Variants in RPS6KA4 observed in about 807,000 individuals in gnomAD.
RPS6KA4 encodes the protein ribosomal protein S6 kinase alpha-4.
In RPS6KA4, 38 loss-of-function variants were observed where a neutral mutation model predicts 89.6. The observed-to-expected ratio is 0.42, with a 90% CI of 0.33 to 0.56. The LOEUF is 0.56. Ranked by LOEUF, RPS6KA4 falls within the 20% of genes least tolerant of loss-of-function variation. The pLI is 0.07. For missense variants in RPS6KA4, 873 were observed against 1,098.8 expected, an observed-to-expected ratio of 0.79 and a Z score of 2.90; for synonymous variants, 495 against 492.8, an observed-to-expected ratio of 1.00 and a Z score of -0.06.
chr11:64,360,259 G>A lies in RPS6KA4; in HGVS notation c.224G>A (p.Arg75His), dbSNP rs1455628289. Residue 75 changes from arginine to histidine, a missense_variant, in exon 3 of 17, where the codon CGC (arginine) becomes CAC (histidine). Coordinates refer to ENST00000334205, the MANE Select transcript of RPS6KA4 (RefSeq NM_003942.3). ...KVLRKAALVQ[R>H]AKTQEHTRTE... ...CTGCGCAAGGCGGCGCTGGTGCAGC[G>A]CGCCAAGACGCAAGAGCACACGCGC... The A allele has an allele frequency of 1.9e-6, 3 of 1,547,248 alleles. No individual in the cohort carries two copies. The highest frequency in any genetic ancestry group is 2.6e-6 in the Non-Finnish European group (3 of 1,146,256).
At position 64,361,256 on chromosome 11, in the gene RPS6KA4, C is replaced by T. The variant is rs1349199977; in HGVS notation, c.570+15C>T. 6.2e-7 allele frequency: 1 copy of T among 1,603,176 alleles called. No individual in the cohort carries two copies. On this transcript the variant is annotated intron_variant, in intron 5 of 16. Coordinates refer to ENST00000334205, the MANE Select transcript of RPS6KA4 (RefSeq NM_003942.3). The surrounding 1 kb of genome is among the most constrained non-coding windows in gnomAD (Gnocchi z 4.7). The stretch of plus-strand genomic sequence containing the variant: ...TGACGGAGGAGGTGAGTGGAGGCCA[C>T]CTCTGCCTGCAGTGCCCCATTCAAT...
Position 64,371,411 on chromosome 11 carries a change from C to T in RPS6KA4, c.2250C>T (p.Asn750=). The T allele has an allele frequency of 6.2e-7, 1 of 1,609,476 alleles. No individual in the cohort carries two copies. The highest frequency in any genetic ancestry group is 8.5e-7 in the Non-Finnish European group (1 of 1,178,076). Residue 750 remains asparagine (N), a synonymous_variant, in exon 17 of 17, where the codon AAC becomes AAT. Coordinates refer to ENST00000334205, the MANE Select transcript of RPS6KA4 (RefSeq NM_003942.3). The stretch of plus-strand genomic sequence containing the variant: ...GCCGGGGCTCCCCTGCACCAGCCAA[C>T]CCGGGCCGAGCCCCCGTCGCCTCCA... ...ASRRGSPAPA[N]PGRAPVASKG... is the part of the protein sequence containing the mutation.
chr11:64,367,102 G>T (rs558475402), intron 9 of RPS6KA4, among the ~76,000 whole-genome samples: 2 of 152,262 alleles, frequency 1.3e-5, no homozygotes, highest in South Asian at 4.1e-4. Context: ...ACATTTTTAG[G>T]AGAAGATGAC....
At chr11:64,368,908 C>G (rs532052075) in intron 12 of RPS6KA4, 111 bp downstream of exon 12, 2 of 1,056,512 alleles carry the variant, frequency 1.9e-6, no homozygotes, top group African/African-American at 3.2e-5. Context: ...GCGTTTGATT[C>G]GGGGCCCAAA....
chr11:64,359,826 A>G, intron 2 of RPS6KA4: 1 of 525,138 alleles, frequency 1.9e-6, no homozygotes, highest in African/African-American at 1.9e-5. Flanking sequence ...CCAGGTGCAC[A>G]CCTCTGCCTC....
rs998853769 is a variant in RPS6KA4, at chr11:64,371,749, GC to G, written c.*273del. On this transcript the variant is annotated 3_prime_UTR_variant, in exon 17 of 17. Transcript: ENST00000334205. The stretch of plus-strand genomic sequence containing the variant: ...GGACACTGCCTCTTCTGGGCAGAAG[GC>G]CCCTCCAGGGGGACTGCTCCAACAG... 2.7e-6 allele frequency: 1 copy of G among 368,272 alleles called. No individual in the cohort carries two copies. The highest frequency in any genetic ancestry group is 4.9e-6 in the Non-Finnish European group (1 of 204,226). 22.8% of individuals were successfully genotyped at this position (368,272 alleles called of 1,614,324 possible). A position where few individuals can be genotyped will look rare whatever the true frequency, so the allele number is the denominator to read the frequency against.
chr11:64,370,529 G>A lies in RPS6KA4; in HGVS notation c.1958-34G>A, dbSNP rs1353255414. 9.4e-6 allele frequency: 15 copies of A among 1,589,386 alleles called. No individual in the cohort carries two copies. Among genetic ancestry groups the A allele is most frequent in the Non-Finnish European group, 1.3e-5 (15 of 1,171,034 alleles). Reference sequence around the variant, plus strand: ...TCTTTGGGGCTCAGCCTTTACGCCAGGCTCCTCCCCACACTTCCTTGCCCC... The same window carrying A: ...TCTTTGGGGCTCAGCCTTTACGCCAAGCTCCTCCCCACACTTCCTTGCCCC... On this transcript the variant is annotated intron_variant, in intron 15 of 16. Coordinates refer to ENST00000334205, the MANE Select transcript of RPS6KA4 (RefSeq NM_003942.3). This position sits in a 1 kb window ranked among gnomAD's most constrained non-coding sequence, Gnocchi z 4.1.
chr11:64,359,905 T>C (rs2036695492), intron 2 of RPS6KA4: 4 of 568,952 alleles, frequency 7.0e-6, no homozygotes, highest in South Asian at 6.6e-5. Context: ...CCCGCCCCCA[T>C]GCCTCGCAGC....
chr11:64,359,778 C>T, intron 2 of RPS6KA4: 1 of 529,838 alleles, frequency 1.9e-6, no homozygotes, highest in South Asian at 2.4e-5. Flanking sequence ...CCACATTTTG[C>T]AAATGCCCCA....
rs754406108 is a variant in RPS6KA4, at chr11:64,359,469, G to C, written c.127+20G>C. On this transcript the variant is annotated intron_variant, in intron 2 of 16. Coordinates refer to ENST00000334205, the MANE Select transcript of RPS6KA4 (RefSeq NM_003942.3). The stretch of plus-strand genomic sequence containing the variant: ...CGGGAGGTGAGGACCCCCATCCACC[G>C]GGCAGGCGTCCCAGGCGCGGTGCCC... 8 of 1,612,236 alleles carry C rather than the reference G, an allele frequency of 5.0e-6. No individual in the cohort carries two copies. The South Asian group carries it at 6.6e-5, about 13-fold the overall frequency.
At position 64,370,661 on chromosome 11, in the gene RPS6KA4, C is replaced by T. The variant is rs762396567; in HGVS notation, c.2056C>T (p.Arg686Trp). 2.7e-5 allele frequency: 42 copies of T among 1,571,500 alleles called. No homozygotes were observed. Among genetic ancestry groups the T allele is most frequent in the Admixed American group, 1.2e-4 (7 of 56,860 alleles). The change falls in exon 16 of 17, where the codon CGG (arginine) becomes TGG (tryptophan). Residue 686 changes from arginine to tryptophan, a missense_variant. By Grantham distance (101) the Arg-to-Trp change is moderately radical. Around this residue, in one of 4 missense-constraint regions of RPS6KA4, gnomAD observed 278 missense variants for 284.8 expected, o/e 0.98. Coordinates refer to ENST00000334205, the MANE Select transcript of RPS6KA4 (RefSeq NM_003942.3). This position sits in a 1 kb window ranked among gnomAD's most constrained non-coding sequence, Gnocchi z 4.1. ...CAGCGCGCGCTCCTCGCCCCCGCTC[C>T]GGACGCCCGACGTGCTCGAGTCCTC... is the stretch of plus-strand genomic sequence containing the variant. ...DGSARSSPPL[R>W]TPDVLESSGP...
rs115887765 is a variant in RPS6KA4, at chr11:64,370,770, C to T, written c.2121+44C>T. The T allele has an allele frequency of 6.8e-7, 1 of 1,476,062 alleles. No homozygotes were observed. Among genetic ancestry groups the T allele is most frequent in the Non-Finnish European group, 9.0e-7 (1 of 1,112,604 alleles). The allele number at this position is 1,476,062 out of a possible 1,614,324, so 91.4% of individuals were successfully genotyped here. A position where few individuals can be genotyped will look rare whatever the true frequency, so the allele number is the denominator to read the frequency against. ...TGAAGGGAAGGGGTGGGCGAAGCCT[C>T]GAGAGGTGGGGTCTGGGGAGGCCCG... is the stretch of plus-strand genomic sequence containing the variant. On this transcript the variant is annotated intron_variant, in intron 16 of 16. Transcript: ENST00000334205. The surrounding 1 kb of genome is among the most constrained non-coding windows in gnomAD (Gnocchi z 4.1).
chr11:64,365,202 C>T, intron 8 of RPS6KA4, 99 bp from the exon 9 acceptor site: 2 of 1,414,878 alleles, frequency 1.4e-6, no homozygotes, highest in African/African-American at 1.4e-5. Context: ...CCAGATGGGC[C>T]CTTGCCTCAT....
rs1369147182 is a variant in RPS6KA4 at position 64,370,546 on chromosome 11, C to T, written c.1958-17C>T. 6.3e-7 allele frequency: 1 copy of T among 1,588,856 alleles called. No individual in the cohort carries two copies. Among genetic ancestry groups the T allele is most frequent in the Non-Finnish European group, 8.5e-7 (1 of 1,172,822 alleles). On this transcript the variant is annotated splice_polypyrimidine_tract_variant and intron_variant, in intron 15 of 16. Transcript: ENST00000334205. This position sits in a 1 kb window ranked among gnomAD's most constrained non-coding sequence, Gnocchi z 4.1. ...TTACGCCAGGCTCCTCCCCACACTT[C>T]CTTGCCCCGCCTCCAGGGCTCCTGA...
intron 2 of RPS6KA4, 158 bp downstream of exon 2, chr11:64,359,607 A>G (rs2036686915): frequency 1.4e-6 from 1 of 703,742 alleles, no homozygotes; most frequent in Non-Finnish European, 2.4e-6. Context: ...CAGAGTTTGC[A>G]TGCCCACTTC....
rs2036691766 is a variant in RPS6KA4 at position 64,359,784 on chromosome 11, C to A, written c.127+335C>A. 1.3e-5 allele frequency: 7 copies of A among 532,320 alleles called. No homozygotes were observed. In the South Asian group the frequency reaches 1.7e-4, roughly 13 times the overall value. The allele number at this position is 532,320 out of a possible 1,614,324, so 33.0% of individuals were successfully genotyped here. ...ATCCCCCTCCCACATTTTGCAAATG[C>A]CCCAGCGCTGGTTTGCGCATCCCTT... On this transcript the variant is annotated intron_variant, in intron 2 of 16. Coordinates refer to ENST00000334205, the MANE Select transcript of RPS6KA4 (RefSeq NM_003942.3).
intron 10 of RPS6KA4, 22 bp from the exon 11 acceptor site, chr11:64,368,434 CCGCCTTCGCCTT>C (rs751418605): frequency 1.2e-4 from 190 of 1,544,316 alleles, no homozygotes; most frequent in Middle Eastern, 2.3e-4. Context: ...CTCTGACGCG[CCGCCTTCGCCTT>C]CGCCTTCGCC....
Position 64,369,830 on chromosome 11 carries a change from C to A in RPS6KA4, c.1734C>A (p.Pro578=), listed in dbSNP as rs1158438254. ...TPCFTLQYAA[P]ELLAQQGYDE... is the part of the protein sequence containing the mutation. ...GCTTCACGCTGCAGTACGCTGCCCC[C>A]GAGCTGCTGGCGCAGCAGGGCTACG... The change falls in exon 14 of 17, where the codon CCC becomes CCA. Residue 578 remains proline (P), a synonymous_variant. Coordinates refer to ENST00000334205, the MANE Select transcript of RPS6KA4 (RefSeq NM_003942.3). 2 of 1,592,616 alleles carry A rather than the reference C, an allele frequency of 1.3e-6. No homozygotes were observed. The highest frequency in any genetic ancestry group is 1.8e-5 in the Admixed American group (1 of 56,968).
chr11:64,362,335 G>A (rs539359795), intron 8 of RPS6KA4, among the ~76,000 whole-genome samples: 1 of 152,366 alleles, frequency 6.6e-6, no homozygotes, highest in Admixed American at 6.5e-5. Flanking sequence ...AATAGACCTT[G>A]GGTCTAGATA....
Sources: gnomAD v4.1 joint callset for allele counts (sites outside exome capture counted in the v4.1 genomes callset) on GRCh38, gnomAD v4.1.1 for gene constraint, gnomAD v4.1.1 regional missense constraint, Gnocchi (gnomAD v3.1) non-coding constraint, MANE v1.5 for transcripts, NCBI Gene and HGNC (gene_info 2026-07-23, HGNC 2026-07-21) for gene names.